Variants in ALK observed in about 807,000 individuals in gnomAD.
ALK encodes ALK receptor tyrosine kinase, also known as ALK tyrosine kinase receptor.
In ALK, 74 loss-of-function variants were observed where a neutral mutation model predicts 163.1. That is an observed-to-expected ratio of 0.45 (90% confidence interval 0.38 to 0.55). The LOEUF is 0.55. Ranked by LOEUF, ALK falls within the 20% of genes least tolerant of loss-of-function variation. The pLI is 0.00. For missense variants in ALK, 2,063 were observed against 2,105.3 expected, an observed-to-expected ratio of 0.98 and a Z score of 0.39; for synonymous variants, 960 against 843.2, an observed-to-expected ratio of 1.14 and a Z score of -2.40.
intron 11 of ALK, among the ~76,000 whole-genome samples, chr2:29,259,728 A>T (rs879660739): frequency 5.3e-5 from 8 of 152,062 alleles, no homozygotes; most frequent in Non-Finnish European, 8.8e-5. Context: ...GGTACCGCTC[A>T]TTCTGGGTTA....
intron 11 of ALK, among the ~76,000 whole-genome samples, chr2:29,273,034 A>G (rs1426195726): frequency 6.6e-6 from 1 of 152,218 alleles, no homozygotes; most frequent in Non-Finnish European, 1.5e-5. Flanking sequence ...ACCACGCTCT[A>G]TGATCTTTCC....
At chr2:29,816,037 T>C (rs1175872529) in intron 1 of ALK, among the ~76,000 whole-genome samples, 1 of 152,202 alleles carries the variant, frequency 6.6e-6, no homozygotes, top group African/African-American at 2.4e-5. Context: ...CCTGTCTCCT[T>C]GGGGTTGGAG....
rs147241767 is a variant in ALK, at chr2:29,193,479, C to T, written c.4608G>A (p.Glu1536=). The change falls in exon 29 of 29, where the codon GAG becomes GAA. Residue 1536 remains glutamate, a synonymous_variant. Transcript: ENST00000389048. ...EPHDRGNLGL[E]GSCTVPPNVA... Reference sequence around the variant, plus strand: ...CGTTAGGTGGGACAGTACAGCTTCCCTCCAGCCCCAGGTTACCCCTGTCGT... The same window carrying T: ...CGTTAGGTGGGACAGTACAGCTTCCTTCCAGCCCCAGGTTACCCCTGTCGT... The T allele has an allele frequency of 3.7e-5, 59 of 1,614,044 alleles. No homozygotes were observed. The highest frequency in any genetic ancestry group is 6.7e-5 in the Admixed American group (4 of 60,004).
intron 1 of ALK, among the ~76,000 whole-genome samples, chr2:29,732,003 A>G (rs2148318098): frequency 6.6e-6 from 1 of 152,326 alleles, no homozygotes; most frequent in East Asian, 1.9e-4. Context: ...TGGGCCTCGC[A>G]CACTGGGTAA....
rs116369425 is a variant in ALK, at chr2:29,717,466, A to G, written c.787+112T>C. On this transcript the variant is annotated intron_variant, in intron 2 of 28. Transcript: ENST00000389048. ...GCTCAGAAAGACTTCTTTTGCATATAGGGAGCTGAGGGAATGCCCTGGAGC... is the reference window on the plus strand; with the variant it reads ...GCTCAGAAAGACTTCTTTTGCATATGGGGAGCTGAGGGAATGCCCTGGAGC... 5.2e-3 allele frequency: 6,797 copies of G among 1,301,016 alleles called. 56 individuals are homozygous for G. Among genetic ancestry groups the G allele is most frequent in the Middle Eastern group, 0.033 (159 of 4,762 alleles). 80.6% of individuals were successfully genotyped at this position (1,301,016 alleles called of 1,614,324 possible).
chr2:29,782,526 G>A (rs768034900), intron 1 of ALK, among the ~76,000 whole-genome samples: 12 of 152,102 alleles, frequency 7.9e-5, no homozygotes, highest in African/African-American at 2.9e-4. Context: ...CCTGGCCAGC[G>A]TTAACCCCGC....
intron 11 of ALK, among the ~76,000 whole-genome samples, chr2:29,256,290 G>A (rs1664947470): frequency 6.6e-6 from 1 of 152,148 alleles, no homozygotes; most frequent in African/African-American, 2.4e-5. Context: ...TCAGGCACCT[G>A]AGAGGTAATC....
intron 1 of ALK, among the ~76,000 whole-genome samples, chr2:29,817,711 C>T (rs554342578): frequency 3.6e-4 from 55 of 152,230 alleles, no homozygotes; most frequent in African/African-American, 1.3e-3. Flanking sequence ...TTATACATAC[C>T]ACTGTGTTTT....
intron 9 of ALK, among the ~76,000 whole-genome samples, chr2:29,294,435 A>G (rs893551361): frequency 6.6e-6 from 1 of 152,206 alleles, no homozygotes; most frequent in African/African-American, 2.4e-5. Context: ...GTGGGGAGAT[A>G]TTGTCATTAT....
intron 4 of ALK, among the ~76,000 whole-genome samples, chr2:29,485,734 G>A (rs2148121358): frequency 6.6e-6 from 1 of 152,230 alleles, no homozygotes; most frequent in African/African-American, 2.4e-5. Flanking sequence ...GGCTGTTTAT[G>A]TTGCCTCTGT....
chr2:29,676,105 TA>T lies in ALK; in HGVS notation c.952+18744del, dbSNP rs372658342. 1.6e-4 allele frequency among the ~76,000 whole-genome samples: 24 copies of T among 152,176 alleles called. No individual in the cohort carries two copies. In the East Asian group the frequency reaches 2.5e-3, roughly 16 times the overall value. On this transcript the variant is annotated intron_variant, in intron 3 of 28. Coordinates refer to ENST00000389048, the MANE Select transcript of ALK (RefSeq NM_004304.5). ...TTTATATATTATGGATACACTTTTT[TA>T]TGCAATGTATGATTCACAAATTTTT...
chr2:29,740,388 C>T (rs1680019453), intron 1 of ALK, among the ~76,000 whole-genome samples: 1 of 151,968 alleles, frequency 6.6e-6, no homozygotes, highest in Non-Finnish European at 1.5e-5. Flanking sequence ...CTGAGACAAA[C>T]AGAGGGTGGT....
Position 29,321,911 on chromosome 2 carries a change from G to A in ALK, c.1415-1029C>T, listed in dbSNP as rs542575870. Reference sequence around the variant, plus strand: ...CTCAGGTCCTATTGAAGAGGTGACAGTCAGCTTTCTAGACTGTATATTTCC... The same window carrying A: ...CTCAGGTCCTATTGAAGAGGTGACAATCAGCTTTCTAGACTGTATATTTCC... On this transcript the variant is annotated intron_variant, in intron 6 of 28. Transcript: ENST00000389048. 7.8e-3 allele frequency among the ~76,000 whole-genome samples: 1,184 copies of A among 152,356 alleles called. 12 individuals carry two copies. Among genetic ancestry groups the A allele is most frequent in the Non-Finnish European group, 0.013 (896 of 68,032 alleles).
chr2:29,857,143 A>G (rs1666161807), intron 1 of ALK, among the ~76,000 whole-genome samples: 1 of 152,238 alleles, frequency 6.6e-6, no homozygotes, highest in Non-Finnish European at 1.5e-5. Flanking sequence ...TGAAATGTGC[A>G]GTACACTTTC....
At chr2:29,771,909 C>A (rs1433405836) in intron 1 of ALK, among the ~76,000 whole-genome samples, 10 of 152,172 alleles carry the variant, frequency 6.6e-5, no homozygotes, top group Non-Finnish European at 1.2e-4. Flanking sequence ...ATAAGCAGGG[C>A]CTCAAATGTC....
chr2:29,300,128 G>A (rs564797469), intron 8 of ALK, among the ~76,000 whole-genome samples: 24 of 152,320 alleles, frequency 1.6e-4, no homozygotes, highest in Admixed American at 1.6e-3. Context: ...ATGTATAGGG[G>A]AGCCCATGCA....
chr2:29,220,992 AC>A, intron 22 of ALK, 157 bp from the exon 23 acceptor site: 1 of 1,032,348 alleles, frequency 9.7e-7, no homozygotes, highest in Non-Finnish European at 1.5e-6. Flanking sequence ...CTGAGCCTAA[AC>A]CCAGAATCTT....
chr2:29,694,643 A>G (rs1275357124), intron 3 of ALK, among the ~76,000 whole-genome samples: 1 of 152,248 alleles, frequency 6.6e-6, no homozygotes, highest in African/African-American at 2.4e-5. Flanking sequence ...TTGTTAAAGA[A>G]TAAAGGTTTG....
chr2:29,758,136 G>C (rs1680592490), intron 1 of ALK, among the ~76,000 whole-genome samples: 2 of 151,274 alleles, frequency 1.3e-5, no homozygotes, highest in African/African-American at 4.9e-5. Flanking sequence ...TCAGCCTCTG[G>C]AGTAGCTAGG....
Sources: allele counts gnomAD v4.1 joint callset (sites outside exome capture counted in the v4.1 genomes callset), GRCh38; gene constraint gnomAD v4.1.1; transcripts MANE v1.5; gene names NCBI Gene and HGNC (gene_info 2026-07-23, HGNC 2026-07-21).